Variants in OSBP2 observed in about 807,000 individuals in gnomAD.
OSBP2 encodes oxysterol-binding protein 2.
Under a neutral mutation model 96.0 loss-of-function variants are expected in OSBP2, and 66 were observed. The ratio of observed to expected loss-of-function variants is 0.69; its 90% CI spans 0.56 to 0.84. The LOEUF (loss-of-function observed/expected upper bound fraction) is 0.84. OSBP2 is among the 40% of genes least tolerant of loss of function. OSBP2 has a pLI of 0.00. For synonymous variants in OSBP2, 525 were observed against 520.9 expected, an observed-to-expected ratio of 1.01 and a Z score of -0.11; for missense variants, 1,038 against 1,222.7, an observed-to-expected ratio of 0.85 and a Z score of 2.25.
intron 1 of OSBP2, among the ~76,000 whole-genome samples, chr22:30,704,174 A>T (rs2089209253): frequency 6.6e-6 from 1 of 152,314 alleles, no homozygotes; most frequent in African/African-American, 2.4e-5. Context: ...AGGACTCAGC[A>T]TATATTAATG....
chr22:30,893,954 G>A lies in OSBP2; in HGVS notation c.2328G>A (p.Val776=), dbSNP rs1356253451. 4 of 1,600,274 alleles carry A rather than the reference G, an allele frequency of 2.5e-6. No individual in the cohort carries two copies. The highest frequency in any genetic ancestry group is 1.7e-4 in the Middle Eastern group (1 of 6,050). Residue 776 remains valine, a synonymous_variant, in exon 12 of 14, where the codon GTG becomes GTA. Transcript: ENST00000332585. ...GCTCTGACGGGAAGCAGAAGACAGT[G>A]TACCAGACCCTGTCAGCCAAGCTGC... ...SPSSDGKQKT[V]YQTLSAKLLW... is the part of the protein sequence containing the mutation.
chr22:30,730,754 CT>C (rs2089744193), intron 1 of OSBP2, among the ~76,000 whole-genome samples: 1 of 45,154 alleles, frequency 2.2e-5, no homozygotes, highest in Non-Finnish European at 4.3e-5. Context: ...CTCTCTCTCT[CT>C]CTCTCTCTCT....
Sources: allele counts gnomAD v4.1 joint callset (sites outside exome capture counted in the v4.1 genomes callset), GRCh38; gene constraint gnomAD v4.1.1; transcripts MANE v1.5; gene names NCBI Gene and HGNC (gene_info 2026-07-23, HGNC 2026-07-21).